Variants in DNER observed in about 807,000 individuals in gnomAD.
DNER encodes delta/notch like EGF repeat containing.
DNER carries 33 observed loss-of-function variants against 78.2 expected under a neutral mutation model. The observed-to-expected ratio is 0.42, with a 90% confidence interval of 0.32 to 0.56. The LOEUF (loss-of-function observed/expected upper bound fraction) is 0.56. Ranked by LOEUF, DNER falls within the 20% of genes least tolerant of loss-of-function variation. DNER has a pLI of 0.11. For synonymous variants in DNER, 417 were observed against 384.8 expected, an observed-to-expected ratio of 1.08 and a Z score of -0.98; for missense variants, 918 against 975.3, an observed-to-expected ratio of 0.94 and a Z score of 0.78.
At chr2:229,369,243 A>T (rs1300663950) in intron 11 of DNER, among the ~76,000 whole-genome samples, 2 of 151,862 alleles carry the variant, frequency 1.3e-5, no homozygotes, top group African/African-American at 2.4e-5. Context: ...CTTCCTAAAA[A>T]GTTTAAAAAA....
intron 10 of DNER, among the ~76,000 whole-genome samples, chr2:229,399,174 C>CA (rs751077507): frequency 0.021 from 2,684 of 129,318 alleles, 39 homozygotes; most frequent in Non-Finnish European, 0.035. Flanking sequence ...AAGAAATCTA[C>CA]AAAAAAAAAA....
At chr2:229,539,441 A>T (rs945536173) in intron 5 of DNER, among the ~76,000 whole-genome samples, 1 of 152,242 alleles carries the variant, frequency 6.6e-6, no homozygotes, top group African/African-American at 2.4e-5. Flanking sequence ...GCTGCTTAAA[A>T]TATTCCCAAA....
At chr2:229,635,568 A>G (rs1475880015) in intron 1 of DNER, among the ~76,000 whole-genome samples, 2 of 152,120 alleles carry the variant, frequency 1.3e-5, no homozygotes, top group Non-Finnish European at 2.9e-5. Context: ...AGAGGAGCAT[A>G]AAGGGAAGAG....
At chr2:229,654,150 T>C (rs1274850167) in intron 1 of DNER, among the ~76,000 whole-genome samples, 3 of 151,782 alleles carry the variant, frequency 2.0e-5, no homozygotes, top group Admixed American at 2.0e-4. Context: ...GTGTGTGATG[T>C]TCCCCACCCT....
chr2:229,418,898 G>A (rs760556632), intron 8 of DNER, among the ~76,000 whole-genome samples: 4 of 145,374 alleles, frequency 2.8e-5, no homozygotes, highest in African/African-American at 5.1e-5. Flanking sequence ...TCCAGCCTGG[G>A]CGACAAGAGC....
intron 8 of DNER, among the ~76,000 whole-genome samples, chr2:229,429,761 A>G (rs561320407): frequency 8.5e-5 from 13 of 152,336 alleles, no homozygotes; most frequent in African/African-American, 2.4e-4. Flanking sequence ...TTCACCACCC[A>G]GGAACTTGAA....
chr2:229,604,634 T>G (rs1474545213), intron 1 of DNER, among the ~76,000 whole-genome samples: 2 of 152,202 alleles, frequency 1.3e-5, no homozygotes, highest in Non-Finnish European at 2.9e-5. Flanking sequence ...TGCTTTGATG[T>G]GTGTTTTTCT....
chr2:229,409,627 G>A (rs1693463329), intron 9 of DNER, among the ~76,000 whole-genome samples: 1 of 152,140 alleles, frequency 6.6e-6, no homozygotes, highest in African/African-American at 2.4e-5. Context: ...TTTTTGTTTG[G>A]ATAGATGGCT....
intron 1 of DNER, among the ~76,000 whole-genome samples, chr2:229,627,741 G>A (rs1698370043): frequency 6.6e-6 from 1 of 152,198 alleles, no homozygotes; most frequent in Admixed American, 6.5e-5. Flanking sequence ...GCAGCAAGTT[G>A]TAAGTGTGAC....
At chr2:229,394,450 C>G (rs893947647) in intron 10 of DNER, among the ~76,000 whole-genome samples, 15 of 152,368 alleles carry the variant, frequency 9.8e-5, no homozygotes, top group African/African-American at 3.6e-4. Flanking sequence ...TCTTCAGCCT[C>G]TCAGCTTCCT....
chr2:229,510,609 C>T (rs1559152934), intron 6 of DNER, among the ~76,000 whole-genome samples: 1 of 152,192 alleles, frequency 6.6e-6, no homozygotes, highest in East Asian at 1.9e-4. Context: ...CCTAGAATGA[C>T]TTGTAGAGAT....
intron 5 of DNER, among the ~76,000 whole-genome samples, chr2:229,520,068 G>A (rs752863582): frequency 3.9e-5 from 6 of 152,104 alleles, no homozygotes; most frequent in Non-Finnish European, 7.3e-5. Flanking sequence ...GCAATTCTTC[G>A]CCAGAATTGG....
intron 6 of DNER, among the ~76,000 whole-genome samples, chr2:229,490,913 C>G (rs766678538): frequency 4.8e-4 from 73 of 152,186 alleles, no homozygotes; most frequent in Non-Finnish European, 9.0e-4. Context: ...TTATCTCTAG[C>G]CTGATAAATG....
chr2:229,549,275 T>A (rs1165904303), intron 4 of DNER, among the ~76,000 whole-genome samples: 2 of 152,166 alleles, frequency 1.3e-5, no homozygotes, highest in African/African-American at 4.8e-5. Flanking sequence ...ACTTATTCGA[T>A]CTTGTGTACA....
chr2:229,576,369 C>G (rs1697302353), intron 4 of DNER, among the ~76,000 whole-genome samples: 1 of 131,604 alleles, frequency 7.6e-6, no homozygotes, highest in African/African-American at 2.9e-5. Flanking sequence ...CTCTAAAATA[C>G]TTTTAATATA....
chr2:229,598,107 C>T (rs1402454578), intron 1 of DNER, among the ~76,000 whole-genome samples: 1 of 152,164 alleles, frequency 6.6e-6, no homozygotes, highest in Non-Finnish European at 1.5e-5. Context: ...ATGAAAAAGG[C>T]CCATTGATAG....
At chr2:229,700,680 C>T (rs981339303) in intron 1 of DNER, among the ~76,000 whole-genome samples, 4 of 151,454 alleles carry the variant, frequency 2.6e-5, no homozygotes, top group Admixed American at 1.3e-4. Flanking sequence ...TTTGGGAGGC[C>T]GAGGTGGGCA....
chr2:229,492,640 C>T (rs777718365), intron 6 of DNER, among the ~76,000 whole-genome samples: 2 of 151,880 alleles, frequency 1.3e-5, no homozygotes, highest in Admixed American at 1.3e-4. Flanking sequence ...GAGGTTTCTG[C>T]CAGTCTAAAA....
chr2:229,447,097 C>T (rs140088641), intron 8 of DNER, among the ~76,000 whole-genome samples: 142 of 151,930 alleles, frequency 9.3e-4, no homozygotes, highest in African/African-American at 3.4e-3. Context: ...TTTTTTTAAC[C>T]CTGCCAAGAG....
Sources: allele counts gnomAD v4.1 joint callset (sites outside exome capture counted in the v4.1 genomes callset), GRCh38; gene constraint gnomAD v4.1.1; transcripts MANE v1.5; gene names NCBI Gene and HGNC (gene_info 2026-07-23, HGNC 2026-07-21).